The following USP48 variants were observed in gnomAD, a reference collection of about 807,000 sequenced individuals.
USP48 encodes the protein ubiquitin carboxyl-terminal hydrolase 48.
In USP48, 43 loss-of-function variants were observed where a neutral mutation model predicts 150.7. The observed-to-expected ratio is 0.29, with a 90% CI of 0.22 to 0.37. USP48 has a LOEUF of 0.37. Among genes scored for constraint, USP48 ranks in the 10% least tolerant of loss-of-function variants. USP48 has a pLI of 1.00. For missense variants in USP48, 813 were observed against 1,249.6 expected (o/e 0.65, Z 5.27); for synonymous variants, 396 against 425.9 (o/e 0.93, Z 0.86).
chr1:21,736,730 TA>T, intron 8 of USP48, 105 bp from the exon 9 acceptor site: 1 of 979,416 alleles, frequency 1.0e-6, no homozygotes. Context: ...GTGGTATAAC[TA>T]AAAACATGTC....
intron 15 of USP48, among the ~76,000 whole-genome samples, chr1:21,708,884 C>CAAAAAAAAAAAAAAA (rs1181628764): frequency 1.2e-4 from 2 of 16,604 alleles, no homozygotes; most frequent in African/African-American, 1.6e-4. Flanking sequence ...GACTCCGTCT[C>CAAAAAAAAAAAAAAA]AAAAAAAAAA....
At chr1:21,742,537 C>CT (rs1180314871) in intron 8 of USP48, among the ~76,000 whole-genome samples, 4 of 86,404 alleles carry the variant, frequency 4.6e-5, no homozygotes, top group African/African-American at 1.5e-4. Context: ...GAGCGAGACT[C>CT]TATCTCAAAA....
At chr1:21,711,432 C>T (rs1316261061) in intron 15 of USP48, among the ~76,000 whole-genome samples, 1 of 152,104 alleles carries the variant, frequency 6.6e-6, no homozygotes, top group Non-Finnish European at 1.5e-5. Flanking sequence ...TATTCTAGGA[C>T]AACAAAACCT....
At chr1:21,684,077 C>T (rs1167198898) in intron 25 of USP48, among the ~76,000 whole-genome samples, 5 of 152,110 alleles carry the variant, frequency 3.3e-5, no homozygotes, top group African/African-American at 1.2e-4. Context: ...CTGTTGTGAA[C>T]AGTGCTGCAA....
At chr1:21,724,857 C>G (rs1465053307) in intron 11 of USP48, 1 of 152,120 alleles carries the variant, frequency 6.6e-6, no homozygotes, top group Admixed American at 6.6e-5. Context: ...AAGGAAGTCC[C>G]TAGAATTCCC....
At chr1:21,757,184 C>A (rs2097838615) in intron 2 of USP48, among the ~76,000 whole-genome samples, 1 of 151,996 alleles carries the variant, frequency 6.6e-6, no homozygotes, top group Admixed American at 6.6e-5. Context: ...CCTGACCTTA[C>A]AAAGAATTAT....
At chr1:21,737,788 C>A (rs555082381) in intron 8 of USP48, among the ~76,000 whole-genome samples, 23 of 152,090 alleles carry the variant, frequency 1.5e-4, no homozygotes, top group Non-Finnish European at 3.4e-4. Context: ...CCATAATATG[C>A]CTAACCACAT....
chr1:21,688,744 G>A (rs763524748), intron 24 of USP48, among the ~76,000 whole-genome samples: 21 of 151,220 alleles, frequency 1.4e-4, no homozygotes, highest in African/African-American at 2.9e-4. Context: ...TCGGGAGGCC[G>A]CGGCAGGAGA....
Position 21,704,333 on chromosome 1 carries a change from T to C in USP48, c.2444A>G (p.His815Arg), listed in dbSNP as rs1384806390. 4 of 1,613,998 alleles carry C rather than the reference T, an allele frequency of 2.5e-6. No individual in the cohort carries two copies. Among genetic ancestry groups the C allele is most frequent in the Non-Finnish European group, 2.5e-6 (3 of 1,179,970 alleles). The change falls in exon 20 of 27, where the codon CAT becomes CGT. Residue 815 changes from histidine (H) to arginine (R), a missense_variant. His to Arg is a conservative substitution (Grantham distance 29). Transcript: ENST00000308271. ...TTCAATTCTCGTGATTTTAATTACA[T>C]GATCCACAACAAAGAGCTTTTGTAT... ...QMIQKLFVVD[H>R]VIKITRIEVG...
intron 22 of USP48, among the ~76,000 whole-genome samples, chr1:21,699,192 ATTTTTTT>A (rs71016932): frequency 1.6e-5 from 1 of 63,612 alleles, no homozygotes; most frequent in Non-Finnish European, 3.1e-5. Context: ...ACCACACCTA[ATTTTTTT>A]TTTTTTTTTT....
At chr1:21,681,758 T>C (rs2097566501) in intron 25 of USP48, among the ~76,000 whole-genome samples, 1 of 152,132 alleles carries the variant, frequency 6.6e-6, no homozygotes, top group Admixed American at 6.5e-5. Flanking sequence ...TGGTGCACCT[T>C]GGTTATATTT....
intron 6 of USP48, among the ~76,000 whole-genome samples, chr1:21,750,878 A>G (rs939079623): frequency 7.3e-5 from 11 of 149,780 alleles, no homozygotes; most frequent in Non-Finnish European, 1.3e-4. Flanking sequence ...GAGAAACTCC[A>G]TCTCAAAAAA....
At chr1:21,693,258 G>A (rs2097608797) in intron 23 of USP48, among the ~76,000 whole-genome samples, 1 of 152,102 alleles carries the variant, frequency 6.6e-6, no homozygotes, top group Admixed American at 6.5e-5. Flanking sequence ...TAACCTCATG[G>A]GATCAAAGGT....
At chr1:21,716,913 A>C (rs1336565832) in intron 14 of USP48, among the ~76,000 whole-genome samples, 1 of 152,160 alleles carries the variant, frequency 6.6e-6, no homozygotes, top group Non-Finnish European at 1.5e-5. Flanking sequence ...CTGTAGTCCC[A>C]GCTACTCAGG....
chr1:21,690,188 A>T, intron 23 of USP48, 89 bp from the exon 24 acceptor site: 1 of 1,324,920 alleles, frequency 7.5e-7, no homozygotes, highest in East Asian at 2.5e-5. Flanking sequence ...GGATTCTTAA[A>T]AAAAAAAAAA....
chr1:21,731,832 G>A (rs1264133492), intron 9 of USP48, among the ~76,000 whole-genome samples: 1 of 152,058 alleles, frequency 6.6e-6, no homozygotes, highest in Non-Finnish European at 1.5e-5. Flanking sequence ...TCACGCCACT[G>A]TACTGCAGCC....
rs778275350 is a variant in USP48, at chr1:21,724,433, C to T, written c.1451-338G>A. ...TCAGGACACCCATGTTTGTTGACTA[C>T]AAGTCATGCTCCATTGCTGCCTCAC... is the stretch of plus-strand genomic sequence containing the variant. On this transcript the variant is annotated intron_variant, in intron 11 of 26. Coordinates refer to ENST00000308271, the MANE Select transcript of USP48 (RefSeq NM_032236.8). 281 of 466,668 alleles carry T rather than the reference C, an allele frequency of 6.0e-4. 3 individuals are homozygous for T. The highest frequency in any genetic ancestry group is 2.0e-3 in the Admixed American group (53 of 26,816). The allele number at this position is 466,668 out of a possible 1,614,324, so 28.9% of individuals were successfully genotyped here.
chr1:21,709,706 G>A (rs895853824), intron 15 of USP48, among the ~76,000 whole-genome samples: 1 of 152,154 alleles, frequency 6.6e-6, no homozygotes, highest in Non-Finnish European at 1.5e-5. Flanking sequence ...CACAGACACT[G>A]TGGGTGCACG....
intron 11 of USP48, chr1:21,724,850 G>T (rs2152548113): frequency 6.6e-6 from 1 of 152,220 alleles, no homozygotes; most frequent in African/African-American, 2.4e-5. Context: ...TTGGGGAAAG[G>T]AAGTCCCTAG....
Sources: allele counts gnomAD v4.1 joint callset (sites outside exome capture counted in the v4.1 genomes callset), GRCh38; gene constraint gnomAD v4.1.1; transcripts MANE v1.5; gene names NCBI Gene and HGNC (gene_info 2026-07-23, HGNC 2026-07-21).